Variants in ETV1 observed in about 807,000 individuals in gnomAD.
ETV1 encodes the protein ETS translocation variant 1.
A neutral mutation model predicts 62.3 loss-of-function variants in ETV1; 27 were observed. The observed-to-expected ratio is 0.43, with a 90% CI of 0.32 to 0.60. The LOEUF is 0.60. ETV1 is among the 20% of genes least tolerant of loss of function. The pLI is 0.06. For missense variants in ETV1, 605 were observed against 605.8 expected, an observed-to-expected ratio of 1.00 and a Z score of 0.01; for synonymous variants, 222 against 199.6, an observed-to-expected ratio of 1.11 and a Z score of -0.94.
intron 6 of ETV1, among the ~76,000 whole-genome samples, chr7:13,959,917 T>C (rs1789969939): frequency 6.7e-6 from 1 of 149,660 alleles, no homozygotes; most frequent in South Asian, 2.1e-4. Context: ...AAAGATCTAT[T>C]CTCTGGAACC....
chr7:13,963,521 C>T (rs1293286138), intron 6 of ETV1, among the ~76,000 whole-genome samples: 1 of 140,362 alleles, frequency 7.1e-6, no homozygotes, highest in Non-Finnish European at 1.5e-5. Context: ...CATTTTAATA[C>T]CAATCTTGGC....
Position 13,905,379 on chromosome 7 carries a change from T to C in ETV1, c.1110+1051A>G, listed in dbSNP as rs140103221. ...AGGTGTTTAGATTCAATACCTAATA[T>C]AATCAGTTAGAGGTATGGTAGCTAA... On this transcript the variant is annotated intron_variant, in intron 12 of 13. Coordinates refer to ENST00000430479, the MANE Select transcript of ETV1 (RefSeq NM_004956.5). Among the ~76,000 whole-genome samples the C allele has an allele frequency of 1.6e-4, 25 of 152,318 alleles. 1 individual carries two copies. The East Asian group carries it at 4.8e-3, about 29-fold the overall frequency.
At chr7:13,915,517 A>AT (rs1185423181) in intron 9 of ETV1, among the ~76,000 whole-genome samples, 2 of 152,130 alleles carry the variant, frequency 1.3e-5, no homozygotes, top group African/African-American at 4.8e-5. Flanking sequence ...ACTTCACTAG[A>AT]TTTTTTGTTT....
At chr7:13,910,501 C>T in intron 10 of ETV1, 1 of 540,642 alleles carries the variant, frequency 1.8e-6, no homozygotes, top group Non-Finnish European at 2.4e-6. Context: ...TTTACATTTA[C>T]CATCTCATAC....
intron 9 of ETV1, among the ~76,000 whole-genome samples, chr7:13,916,321 T>C (rs1229307489): frequency 6.6e-6 from 1 of 152,042 alleles, no homozygotes; most frequent in Non-Finnish European, 1.5e-5. Context: ...TGTAATAGCA[T>C]TTGCAAAATC....
chr7:13,984,736 C>T (rs890284207), intron 5 of ETV1, among the ~76,000 whole-genome samples: 4 of 151,932 alleles, frequency 2.6e-5, no homozygotes, highest in Non-Finnish European at 4.4e-5. Flanking sequence ...AAGTAAAGGT[C>T]CATGTTCTTC....
At chr7:13,914,463 C>A (rs960508310) in intron 9 of ETV1, among the ~76,000 whole-genome samples, 2 of 151,770 alleles carry the variant, frequency 1.3e-5, no homozygotes, top group African/African-American at 4.8e-5. Flanking sequence ...AAATTCAAAG[C>A]AACAAAGCCC....
intron 9 of ETV1, among the ~76,000 whole-genome samples, chr7:13,915,493 C>G (rs1784047445): frequency 3.3e-5 from 5 of 152,182 alleles, no homozygotes; most frequent in Admixed American, 3.3e-4. Context: ...CATTTTATCT[C>G]TTTTAAACTT....
chr7:13,949,507 G>C (rs1053437759), intron 6 of ETV1, among the ~76,000 whole-genome samples: 1 of 152,078 alleles, frequency 6.6e-6, no homozygotes, highest in Non-Finnish European at 1.5e-5. Flanking sequence ...CTGCATCTGA[G>C]GCTCTCAAAG....
intron 12 of ETV1, among the ~76,000 whole-genome samples, chr7:13,905,565 T>C (rs1782872341): frequency 6.6e-6 from 1 of 152,128 alleles, no homozygotes; most frequent in Admixed American, 6.6e-5. Context: ...GGAACAATAG[T>C]AGCCTTAAGC....
intron 11 of ETV1, among the ~76,000 whole-genome samples, chr7:13,909,011 C>T (rs553274803): frequency 2.0e-5 from 3 of 152,066 alleles, no homozygotes; most frequent in South Asian, 2.1e-4. Context: ...AACTTGACAC[C>T]CTTTTCTAAC....
At chr7:13,978,938 C>G (rs147552941) in intron 5 of ETV1, among the ~76,000 whole-genome samples, 206 of 152,068 alleles carry the variant, frequency 1.4e-3, no homozygotes, top group African/African-American at 4.8e-3. Context: ...ACCTTATTAC[C>G]AATGCACTCT....
At chr7:13,897,017 T>C (rs944000665) in intron 13 of ETV1, among the ~76,000 whole-genome samples, 1 of 152,120 alleles carries the variant, frequency 6.6e-6, no homozygotes, top group African/African-American at 2.4e-5. Flanking sequence ...AGAAGTAGCA[T>C]AATTTATAGG....
At chr7:13,910,923 A>G (rs1783495355) in intron 10 of ETV1, among the ~76,000 whole-genome samples, 1 of 152,190 alleles carries the variant, frequency 6.6e-6, no homozygotes, top group Admixed American at 6.5e-5. Context: ...ATATTCCTCA[A>G]AGATACATTT....
At chr7:13,921,417 T>G (rs1269542742) in intron 9 of ETV1, among the ~76,000 whole-genome samples, 2 of 152,184 alleles carry the variant, frequency 1.3e-5, no homozygotes, top group African/African-American at 4.8e-5. Context: ...CTGAATAGTA[T>G]TGAATATGGA....
chr7:13,959,184 A>G (rs1789855242), intron 6 of ETV1: 1 of 152,162 alleles, frequency 6.6e-6, no homozygotes, highest in Admixed American at 6.5e-5. Flanking sequence ...TCCTCCTTAC[A>G]CATCTATAGT....
At chr7:13,906,777 T>C (rs1783012643) in intron 11 of ETV1, among the ~76,000 whole-genome samples, 178 bp from the exon 12 acceptor site, 4 of 152,140 alleles carry the variant, frequency 2.6e-5, no homozygotes. Flanking sequence ...TGAATATAAA[T>C]GAGCAAGCTG....
At chr7:13,973,974 G>A (rs1781155396) in intron 6 of ETV1, among the ~76,000 whole-genome samples, 1 of 152,132 alleles carries the variant, frequency 6.6e-6, no homozygotes, top group Non-Finnish European at 1.5e-5. Context: ...TTTACTTATT[G>A]TTCTCCTATA....
intron 6 of ETV1, among the ~76,000 whole-genome samples, chr7:13,943,223 C>A (rs942217218): frequency 6.6e-6 from 1 of 152,072 alleles, no homozygotes; most frequent in South Asian, 2.1e-4. Flanking sequence ...CAAATCGGAA[C>A]GACAACAAAA....
Sources: allele counts gnomAD v4.1 joint callset (sites outside exome capture counted in the v4.1 genomes callset), GRCh38; gene constraint gnomAD v4.1.1; transcripts MANE v1.5; gene names NCBI Gene and HGNC (gene_info 2026-07-23, HGNC 2026-07-21).